The following ULK2 variants were observed in gnomAD, a reference collection of about 807,000 sequenced individuals.
The protein encoded by ULK2 is unc-51 like autophagy activating kinase 2.
In ULK2, 76 loss-of-function variants were observed where a neutral mutation model predicts 127.5. That is an observed-to-expected ratio of 0.60 (90% CI 0.50 to 0.72). The LOEUF is 0.72. Among genes scored for constraint, ULK2 ranks in the 30% least tolerant of loss-of-function variants. The pLI, the probability that ULK2 is intolerant of heterozygous loss-of-function variation, is 0.00. For synonymous variants in ULK2, 452 were observed against 461.9 expected, an observed-to-expected ratio of 0.98 and a Z score of 0.28; for missense variants, 1,144 against 1,295.9, an observed-to-expected ratio of 0.88 and a Z score of 1.80.
chr17:19,840,326 T>C (rs1353322050), intron 9 of ULK2: 3 of 526,292 alleles, frequency 5.7e-6, no homozygotes, highest in African/African-American at 1.9e-5. Context: ...CCTTGATTCG[T>C]TGGACCTATG....
intron 8 of ULK2, 116 bp downstream of exon 8, chr17:19,843,005 A>C (rs2041801047): frequency 3.5e-6 from 3 of 864,174 alleles, no homozygotes; most frequent in Non-Finnish European, 3.8e-6. Flanking sequence ...GAATCAAAGT[A>C]ACTCACAGAG....
At chr17:19,826,390 GAATC>G (rs1299676286) in intron 10 of ULK2, among the ~76,000 whole-genome samples, 1 of 151,844 alleles carries the variant, frequency 6.6e-6, no homozygotes, top group African/African-American at 2.4e-5. Context: ...ATAAAATAAT[GAATC>G]AATAACAAAT....
intron 3 of ULK2, among the ~76,000 whole-genome samples, chr17:19,857,803 T>C (rs1486924700): frequency 6.6e-6 from 1 of 152,170 alleles, no homozygotes; most frequent in Non-Finnish European, 1.5e-5. Flanking sequence ...CCTGCTAACC[T>C]CTCCAGTATC....
chr17:19,779,531 CAAAAAA>C (rs55957234), intron 25 of ULK2, among the ~76,000 whole-genome samples: 1 of 67,998 alleles, frequency 1.5e-5, no homozygotes, highest in Non-Finnish European at 2.8e-5. Context: ...AACTCCATCT[CAAAAAA>C]AAAAAAAAAA....
At chr17:19,781,230 CTTCTT>C in intron 23 of ULK2, 126 bp from the exon 24 acceptor site, 1 of 564,986 alleles carries the variant, frequency 1.8e-6, no homozygotes, top group East Asian at 3.3e-5. Flanking sequence ...GATTTCTTTT[CTTCTT>C]TCTTTTCTTT....
intron 24 of ULK2, 32 bp from the exon 25 acceptor site, chr17:19,780,661 A>T (rs1260919542): frequency 8.2e-6 from 13 of 1,576,082 alleles, no homozygotes; most frequent in Non-Finnish European, 1.1e-5. Flanking sequence ...AACTAATTTT[A>T]ATTTTCCTCC....
rs535214201 is a variant in ULK2 at position 19,841,705 on chromosome 17, G to T, written c.646-158C>A. On this transcript the variant is annotated intron_variant, in intron 8 of 26. Coordinates refer to ENST00000395544, the MANE Select transcript of ULK2 (RefSeq NM_014683.4). ...AAAGGAGGGAAAGTATGAGGGAGGAGGAAAGCAAAGAGAGATGATGCTCAT... is the reference window on the plus strand; with the variant it reads ...AAAGGAGGGAAAGTATGAGGGAGGATGAAAGCAAAGAGAGATGATGCTCAT... 1.3e-5 allele frequency among the ~76,000 whole-genome samples: 2 copies of T among 151,670 alleles called. 1 individual carries two copies. Among genetic ancestry groups the T allele is most frequent in the South Asian group, 4.2e-4 (2 of 4,782 alleles).
At chr17:19,862,419 A>G (rs765025343) in intron 3 of ULK2, among the ~76,000 whole-genome samples, 16 of 152,098 alleles carry the variant, frequency 1.1e-4, no homozygotes, top group Non-Finnish European at 1.9e-4. Context: ...ATCTTATAAC[A>G]TGAGTTTAGT....
intron 20 of ULK2, among the ~76,000 whole-genome samples, chr17:19,787,389 T>C (rs533003129): frequency 6.6e-6 from 1 of 152,246 alleles, no homozygotes; most frequent in South Asian, 2.1e-4. Flanking sequence ...TGAGCTCAAG[T>C]GATCCTCCTG....
chr17:19,867,219 G>C (rs1467081694), intron 1 of ULK2, 109 bp downstream of exon 1: 11 of 808,780 alleles, frequency 1.4e-5, no homozygotes, highest in Non-Finnish European at 1.8e-5. Flanking sequence ...TAGCATACCC[G>C]GGCGGCTAGC....
chr17:19,821,291 A>T (rs1311882361), intron 12 of ULK2, among the ~76,000 whole-genome samples: 4 of 152,166 alleles, frequency 2.6e-5, no homozygotes, highest in Non-Finnish European at 4.4e-5. Flanking sequence ...TGGGTGACAG[A>T]GTGAGACTCT....
At chr17:19,852,886 G>A (rs188579591) in intron 3 of ULK2, among the ~76,000 whole-genome samples, 69 of 151,952 alleles carry the variant, frequency 4.5e-4, no homozygotes, top group East Asian at 1.6e-3. Flanking sequence ...TCCTGACCTC[G>A]TGATCCGCCC....
intron 9 of ULK2, among the ~76,000 whole-genome samples, chr17:19,840,749 C>T (rs890547303): frequency 6.7e-5 from 10 of 150,198 alleles, no homozygotes; most frequent in Non-Finnish European, 1.0e-4. Flanking sequence ...ATTAGAGGGG[C>T]GTGGTGGTGG....
chr17:19,865,527 C>CA (rs2152404240), intron 2 of ULK2, among the ~76,000 whole-genome samples: 1 of 152,264 alleles, frequency 6.6e-6, no homozygotes, highest in African/African-American at 2.4e-5. Context: ...AAGCTAAACT[C>CA]AGTCTTCACA....
chr17:19,789,201 G>A (rs933425095), intron 20 of ULK2, among the ~76,000 whole-genome samples: 1 of 152,180 alleles, frequency 6.6e-6, no homozygotes, highest in Non-Finnish European at 1.5e-5. Flanking sequence ...AGGGGTGTTT[G>A]CATCACCCCA....
chr17:19,814,427 TATATATA>T (rs2040920001), intron 13 of ULK2, among the ~76,000 whole-genome samples: 3 of 16,016 alleles, frequency 1.9e-4, no homozygotes, highest in Admixed American at 8.0e-4. Flanking sequence ...TATATATATA[TATATATA>T]TATATTTTTT....
At chr17:19,847,480 T>C (rs2041911325) in intron 5 of ULK2, among the ~76,000 whole-genome samples, 1 of 152,166 alleles carries the variant, frequency 6.6e-6, no homozygotes, top group Non-Finnish European at 1.5e-5. Flanking sequence ...TAAGAATAAA[T>C]GTTTTAACCG....
At position 19,806,609 on chromosome 17, in the gene ULK2, A is replaced by G. The variant is rs116259650; in HGVS notation, c.1158-1779T>C. 4.3e-3 allele frequency among the ~76,000 whole-genome samples: 655 copies of G among 152,264 alleles called. 4 individuals carry two copies. Among genetic ancestry groups the G allele is most frequent in the African/African-American group, 0.015 (628 of 41,508 alleles). ...TCAGGGTCTAGAAAGTCTTCCCTGGACAAATTCCAGATCTCTAGCTAGCTA... is the reference window on the plus strand; with the variant it reads ...TCAGGGTCTAGAAAGTCTTCCCTGGGCAAATTCCAGATCTCTAGCTAGCTA... On this transcript the variant is annotated intron_variant, in intron 14 of 26. Coordinates refer to ENST00000395544, the MANE Select transcript of ULK2 (RefSeq NM_014683.4).
chr17:19,837,574 C>A (rs773462594), intron 10 of ULK2, among the ~76,000 whole-genome samples: 15 of 152,174 alleles, frequency 9.9e-5, no homozygotes, highest in Non-Finnish European at 1.8e-4. Flanking sequence ...ACAGAAACTC[C>A]TCATCTTGTC....
Sources: allele counts gnomAD v4.1 joint callset (sites outside exome capture counted in the v4.1 genomes callset), GRCh38; gene constraint gnomAD v4.1.1; transcripts MANE v1.5; gene names NCBI Gene and HGNC (gene_info 2026-07-23, HGNC 2026-07-21).